The following PRSS56 variants were observed in gnomAD, a reference collection of about 807,000 sequenced individuals.
The protein encoded by PRSS56 is serine protease 56.
In PRSS56, 55 loss-of-function variants were observed where a neutral mutation model predicts 66.8. That is an observed-to-expected ratio of 0.82 (90% CI 0.66 to 1.03). The LOEUF (loss-of-function observed/expected upper bound fraction) is 1.03, where lower values mean the gene tolerates loss of function less well. Ranked by LOEUF, PRSS56 falls within the 50% of genes least tolerant of loss-of-function variation. PRSS56 has a pLI of 0.00. For synonymous variants in PRSS56, 409 were observed against 387.9 expected, an observed-to-expected ratio of 1.05 and a Z score of -0.64; for missense variants, 869 against 837.2, an observed-to-expected ratio of 1.04 and a Z score of -0.47.
In PRSS56 at chr2:232,522,108, G is replaced by T; in HGVS notation, c.394G>T (p.Gly132Cys). 6.6e-7 allele frequency: 1 copy of T among 1,517,168 alleles called. No individual in the cohort carries two copies. The highest frequency in any genetic ancestry group is 1.2e-5 in the South Asian group (1 of 82,146). The allele number at this position is 1,517,168 out of a possible 1,614,324, so 94.0% of individuals were successfully genotyped here. The change falls in exon 4 of 13, where the codon GGC becomes TGC. Residue 132 changes from glycine (G) to cysteine (C), a missense_variant. By Grantham distance (159) the Gly-to-Cys change is radical. Around this residue, in one of 3 missense-constraint regions of PRSS56, gnomAD observed 315 missense variants for 313.7 expected, o/e 1.00. Coordinates refer to ENST00000617714, the MANE Select transcript of PRSS56 (RefSeq NM_001195129.2). ...LQLGGQPLCG[G>C]VLVAASWVLT... ...GCTCGGCGGGCAGCCTCTGTGCGGC[G>T]GCGTCCTGGTAGCGGCCTCCTGGGT...
chr2:232,525,221 G>A lies in PRSS56; in HGVS notation c.1527G>A (p.Leu509=). 6.7e-7 allele frequency: 1 copy of A among 1,491,620 alleles called. No homozygotes were observed. The highest frequency in any genetic ancestry group is 8.9e-7 in the Non-Finnish European group (1 of 1,123,446). 92.4% of individuals were successfully genotyped at this position (1,491,620 alleles called of 1,614,324 possible). A position where few individuals can be genotyped will look rare whatever the true frequency, so the allele number is the denominator to read the frequency against. ...EHLAMNFHEV[L]ADLGSKTLTG... ...CCCCACTCCTCCATCTGTAGGTCCT[G>A]GCAGATCTGGGCTCCAAGACACTGA... The change falls in exon 13 of 13, where the codon CTG becomes CTA. Residue 509 remains leucine, a synonymous_variant. Transcript: ENST00000617714.
intron 4 of PRSS56, 36 bp from the exon 5 acceptor site, chr2:232,522,479 G>C: frequency 1.3e-6 from 2 of 1,505,892 alleles, no homozygotes; most frequent in Non-Finnish European, 1.8e-6. Flanking sequence ...GTGTGCCCCT[G>C]TCCTTCCTGC....
In PRSS56 at chr2:232,525,296, G is replaced by A. The variant is rs1019938859; in HGVS notation, c.1602G>A (p.Val534=). Residue 534 remains valine (V), a synonymous_variant, in exon 13 of 13, where the codon GTG becomes GTA. Transcript: ENST00000617714. ...GGGCAGGCTTGGGGGGCCGGCATGT[G>A]GCCTTCAGCGGCCTGGTGGGCCTGG... ...WVRAGLGGRH[V]AFSGLVGLEP... The A allele has an allele frequency of 6.6e-7, 1 of 1,522,544 alleles. No individual in the cohort carries two copies. The highest frequency in any genetic ancestry group is 8.8e-7 in the Non-Finnish European group (1 of 1,138,118). 94.3% of individuals were successfully genotyped at this position (1,522,544 alleles called of 1,614,324 possible). A position where few individuals can be genotyped will look rare whatever the true frequency, so the allele number is the denominator to read the frequency against.
Position 232,522,072 on chromosome 2 carries a change from G to T in PRSS56, c.358G>T (p.Val120Leu), listed in dbSNP as rs750472959. The change falls in exon 4 of 13, where the codon GTG becomes TTG. Residue 120 changes from valine to leucine, a missense_variant. Physicochemically the swap from Val to Leu is conservative, Grantham distance 32. This residue lies in a region of PRSS56 where 315 missense variants were observed against 313.7 expected (regional missense o/e 1.00). Transcript: ENST00000617714. The stretch of plus-strand genomic sequence containing the variant: ...GCCGCCCGGGGCCTGGCCCTGGCTG[G>T]TGAGGCTGCAGCTCGGCGGGCAGCC... ...AAPPGAWPWL[V>L]RLQLGGQPLC... 5 of 1,516,388 alleles carry T rather than the reference G, an allele frequency of 3.3e-6. No homozygotes were observed. The highest frequency in any genetic ancestry group is 4.1e-5 in the Admixed American group (2 of 49,020). The allele number at this position is 1,516,388 out of a possible 1,614,324, so 93.9% of individuals were successfully genotyped here.
At position 232,523,427 on chromosome 2, in the gene PRSS56, A is replaced by G; in HGVS notation, c.861A>G (p.Gly287=). ...TCTTGGCCCCGCAGGGTGACTCGGG[A>G]GGCCCCCTGACCTGTTCTGAGCCTG... ...GGVDSCQGDS[G]GPLTCSEPGP... The change falls in exon 8 of 13, where the codon GGA becomes GGG. Residue 287 remains glycine, a synonymous_variant. Coordinates refer to ENST00000617714, the MANE Select transcript of PRSS56 (RefSeq NM_001195129.2). The G allele has an allele frequency of 2.1e-6, 3 of 1,446,368 alleles. No homozygotes were observed. Among genetic ancestry groups the G allele is most frequent in the Non-Finnish European group, 2.7e-6 (3 of 1,102,896 alleles). 89.6% of individuals were successfully genotyped at this position (1,446,368 alleles called of 1,614,324 possible).
At chr2:232,524,910 G>T (rs1227572343) in intron 12 of PRSS56, 66 bp downstream of exon 12, 1 of 1,295,664 alleles carries the variant, frequency 7.7e-7, no homozygotes, top group East Asian at 2.5e-5. Flanking sequence ...GCCCAGGGAA[G>T]ATGCAGAGGG....
chr2:232,524,710 A>T (rs1482117530), intron 11 of PRSS56, 28 bp from the exon 12 acceptor site: 2 of 1,473,300 alleles, frequency 1.4e-6, no homozygotes, highest in South Asian at 2.5e-5. Flanking sequence ...ACCGTTCATT[A>T]TTCCCGGGGC....
intron 7 of PRSS56, 30 bp downstream of exon 7, chr2:232,523,232 G>A (rs1283335178): frequency 4.2e-6 from 6 of 1,427,652 alleles, no homozygotes; most frequent in African/African-American, 2.9e-5. Context: ...AGAAAAGGCC[G>A]GCTGAGCCTT....
chr2:232,522,502 G>A lies in PRSS56; in HGVS notation c.447-13G>A, dbSNP rs1383591012. Reference sequence around the variant, plus strand: ...CTGTCCTTCCTGCGTCTCAGCTGCCGCTCGACCCGCAGCGCCCCGAATGAG... The same window carrying A: ...CTGTCCTTCCTGCGTCTCAGCTGCCACTCGACCCGCAGCGCCCCGAATGAG... On this transcript the variant is annotated splice_polypyrimidine_tract_variant and intron_variant, in intron 4 of 12. Transcript: ENST00000617714. 6.6e-7 allele frequency: 1 copy of A among 1,525,074 alleles called. No individual in the cohort carries two copies. Among genetic ancestry groups the A allele is most frequent in the East Asian group, 2.5e-5 (1 of 40,514 alleles). 94.5% of individuals were successfully genotyped at this position (1,525,074 alleles called of 1,614,324 possible). A position where few individuals can be genotyped will look rare whatever the true frequency, so the allele number is the denominator to read the frequency against.
chr2:232,523,087 A>G lies in PRSS56; in HGVS notation c.734A>G (p.Glu245Gly), dbSNP rs1691320816. The G allele has an allele frequency of 6.5e-7, 1 of 1,534,790 alleles. No homozygotes were observed. Among genetic ancestry groups the G allele is most frequent in the Non-Finnish European group, 8.7e-7 (1 of 1,146,284 alleles). The change falls in exon 7 of 13, where the codon GAG becomes GGG. Residue 245 changes from glutamate (E) to glycine (G), a missense_variant. Transcript: ENST00000617714. ...EDGPEAEAVR[E>G]ARVPLLSTDT... ...GGGCCTGAGGCTGAAGCAGTGAGAG[A>G]GGCCCGTGTTCCCCTGCTCAGCACC... is the stretch of plus-strand genomic sequence containing the variant.
Position 232,522,073 on chromosome 2 carries a change from T to C in PRSS56, c.359T>C (p.Val120Ala), listed in dbSNP as rs569638368. The C allele has an allele frequency of 4.0e-6, 6 of 1,516,100 alleles. No individual in the cohort carries two copies. The South Asian group carries it at 7.3e-5, about 18-fold the overall frequency. The allele number at this position is 1,516,100 out of a possible 1,614,324, so 93.9% of individuals were successfully genotyped here. A position where few individuals can be genotyped will look rare whatever the true frequency, so the allele number is the denominator to read the frequency against. Residue 120 changes from valine (V) to alanine (A), a missense_variant, in exon 4 of 13, where the codon GTG (valine) becomes GCG (alanine). By Grantham distance (64) the Val-to-Ala change is moderately conservative (BLOSUM62 0). Coordinates refer to ENST00000617714, the MANE Select transcript of PRSS56 (RefSeq NM_001195129.2). Reference protein sequence around the residue: ...AAPPGAWPWLVRLQLGGQPLC... With the variant: ...AAPPGAWPWLARLQLGGQPLC... ...CCGCCCGGGGCCTGGCCCTGGCTGG[T>C]GAGGCTGCAGCTCGGCGGGCAGCCT...
chr2:232,524,319 C>T lies in PRSS56; in HGVS notation c.1364C>T (p.Ala455Val). The T allele has an allele frequency of 6.5e-7, 1 of 1,535,714 alleles. No homozygotes were observed. Among genetic ancestry groups the T allele is most frequent in the Non-Finnish European group, 8.7e-7 (1 of 1,146,818 alleles). The change falls in exon 11 of 13, where the codon GCA becomes GTA. Residue 455 changes from alanine to valine, a missense_variant. Transcript: ENST00000617714. ...ELRLHSGSRAAGTRFPKRRPE... is the reference protein window; with the variant it reads ...ELRLHSGSRAVGTRFPKRRPE... Reference sequence around the variant, plus strand: ...TGTGCCTCCCCAGGATCGCGGGCTGCAGGCACTCGGTTCCCGAAGCGGAGG... The same window carrying T: ...TGTGCCTCCCCAGGATCGCGGGCTGTAGGCACTCGGTTCCCGAAGCGGAGG...
chr2:232,524,455 A>G (rs1412942639), intron 11 of PRSS56, 86 bp downstream of exon 11: 5 of 1,353,908 alleles, frequency 3.7e-6, no homozygotes, highest in Admixed American at 4.3e-5. Flanking sequence ...AGCTCCGGAA[A>G]GGGCTTACCC....
chr2:232,524,773 G>A lies in PRSS56; in HGVS notation c.1450G>A (p.Ala484Thr), dbSNP rs1373460328. 9 of 1,532,086 alleles carry A rather than the reference G, an allele frequency of 5.9e-6. No homozygotes were observed. In the African/African-American group the frequency reaches 1.2e-4, roughly 21 times the overall value. 94.9% of individuals were successfully genotyped at this position (1,532,086 alleles called of 1,614,324 possible). The change falls in exon 12 of 13, where the codon GCT (alanine) becomes ACT (threonine). Residue 484 changes from alanine to threonine, a missense_variant. Transcript: ENST00000617714. ...GCTGGAGCCCCTGCGACAGAAGTTG[G>A]CTGCCCTGCAGGGGGCCCATGCCTG... ...PGLEPLRQKLAALQGAHAWIL... is the reference protein window; with the variant it reads ...PGLEPLRQKLTALQGAHAWIL...
At position 232,522,068 on chromosome 2, in the gene PRSS56, G is replaced by A; in HGVS notation, c.354G>A (p.Trp118Ter). 6.6e-7 allele frequency: 1 copy of A among 1,515,530 alleles called. No homozygotes were observed. Among genetic ancestry groups the A allele is most frequent in the Non-Finnish European group, 8.8e-7 (1 of 1,138,262 alleles). The allele number at this position is 1,515,530 out of a possible 1,614,324, so 93.9% of individuals were successfully genotyped here. ...CGGCGCCGCCCGGGGCCTGGCCCTG[G>A]CTGGTGAGGCTGCAGCTCGGCGGGC... ...GSAAPPGAWP[W>*]LVRLQLGGQP... Residue 118 changes from tryptophan (W) to a stop codon, truncating the protein, a stop_gained, in exon 4 of 13, where the codon TGG becomes TGA. Transcript: ENST00000617714. LOFTEE classifies it high-confidence loss of function.
intron 7 of PRSS56, 58 bp downstream of exon 7, chr2:232,523,260 C>T (rs1691325037): frequency 1.4e-6 from 2 of 1,423,110 alleles, no homozygotes; most frequent in Non-Finnish European, 1.8e-6. Context: ...CCACTACGGC[C>T]TCTTTTCCTT....
chr2:232,524,519 T>C, intron 11 of PRSS56, 150 bp downstream of exon 11: 1 of 813,276 alleles, frequency 1.2e-6, no homozygotes, highest in Non-Finnish European at 1.9e-6. Flanking sequence ...AGCGTATGAC[T>C]CTTTTGGAGT....
At chr2:232,521,214 T>C (rs1004833636) in intron 1 of PRSS56, 107 bp from the exon 2 acceptor site, 30 of 842,676 alleles carry the variant, frequency 3.6e-5, no homozygotes, top group Admixed American at 1.5e-4. Context: ...CCTCATTCTG[T>C]CCCAGGCTGG....
intron 1 of PRSS56, 148 bp downstream of exon 1, chr2:232,520,843 G>A: frequency 1.7e-6 from 1 of 592,900 alleles, no homozygotes; most frequent in Non-Finnish European, 3.0e-6. Context: ...AAGGGGCCAA[G>A]AACTGAGATA....
Sources: gnomAD v4.1 joint callset for allele counts on GRCh38, gnomAD v4.1.1 for gene constraint, gnomAD v4.1.1 regional missense constraint, MANE v1.5 for transcripts, NCBI Gene and HGNC (gene_info 2026-07-23, HGNC 2026-07-21) for gene names.